The following SLC9B1 variants were observed in gnomAD, a reference collection of about 807,000 sequenced individuals.
SLC9B1 encodes sodium/hydrogen exchanger 9B1.
Under a neutral mutation model 51.7 loss-of-function variants are expected in SLC9B1, and 32 were observed. The ratio of observed to expected loss-of-function variants is 0.62; its 90% confidence interval spans 0.47 to 0.83. The LOEUF (loss-of-function observed/expected upper bound fraction) is 0.83, where lower values mean the gene tolerates loss of function less well. SLC9B1 is among the 40% of genes least tolerant of loss of function. The pLI, the probability that SLC9B1 is intolerant of heterozygous loss-of-function variation, is 0.00. For synonymous variants in SLC9B1, 145 were observed against 212.7 expected (o/e 0.68, Z 2.77); for missense variants, 406 against 613.2 (o/e 0.66, Z 3.57).
chr4:102,919,361 C>T (rs918107994), intron 7 of SLC9B1, among the ~76,000 whole-genome samples: 1 of 152,166 alleles, frequency 6.6e-6, no homozygotes, highest in South Asian at 2.1e-4. Flanking sequence ...TAAAACTGAA[C>T]ACTTTTAAGA....
chr4:102,958,904 C>T (rs910082932), intron 3 of SLC9B1, among the ~76,000 whole-genome samples: 1 of 150,010 alleles, frequency 6.7e-6, no homozygotes, highest in African/African-American at 2.5e-5. Flanking sequence ...GCCTGGGTGA[C>T]AGAACGAGAC....
chr4:102,893,300 A>AAAAAAAAAAAAAAAG (rs1314502030), intron 11 of SLC9B1, among the ~76,000 whole-genome samples: 1 of 147,764 alleles, frequency 6.8e-6, no homozygotes, highest in Non-Finnish European at 1.5e-5. Context: ...AAAAAAAAAA[A>AAAAAAAAAAAAAAAG]AAAAAGAAAA....
At chr4:102,906,123 A>C (rs1735041370) in intron 10 of SLC9B1, among the ~76,000 whole-genome samples, 1 of 151,994 alleles carries the variant, frequency 6.6e-6, no homozygotes, top group African/African-American at 2.4e-5. Flanking sequence ...TTTAGGAGAG[A>C]GGGGGTTCCC....
At chr4:103,012,665 T>C (rs1268966557) in intron 1 of SLC9B1, among the ~76,000 whole-genome samples, 2 of 152,244 alleles carry the variant, frequency 1.3e-5, no homozygotes, top group Admixed American at 6.5e-5. Flanking sequence ...TACTTGAGAC[T>C]GAGTAATCTA....
intron 5 of SLC9B1, among the ~76,000 whole-genome samples, chr4:102,946,097 A>G (rs1372741644): frequency 6.6e-6 from 1 of 152,204 alleles, no homozygotes; most frequent in African/African-American, 2.4e-5. Context: ...ATGTTAACTG[A>G]AAAGTACATA....
At chr4:102,976,766 T>C (rs147389461) in intron 3 of SLC9B1, among the ~76,000 whole-genome samples, 2 of 152,284 alleles carry the variant, frequency 1.3e-5, no homozygotes, top group Non-Finnish European at 1.5e-5. Context: ...GTGAGATATT[T>C]TGGCAGGTGA....
At chr4:102,919,332 C>A (rs1735744266) in intron 7 of SLC9B1, among the ~76,000 whole-genome samples, 1 of 152,162 alleles carries the variant, frequency 6.6e-6, no homozygotes, top group Non-Finnish European at 1.5e-5. Context: ...CAATTCCAAA[C>A]CATATTTTTG....
chr4:102,960,736 CT>C (rs1172297121), intron 3 of SLC9B1, among the ~76,000 whole-genome samples: 383 of 142,388 alleles, frequency 2.7e-3, no homozygotes, highest in African/African-American at 3.6e-3. Context: ...TTCTTTCTTT[CT>C]TTTTTTTTTT....
intron 7 of SLC9B1, among the ~76,000 whole-genome samples, chr4:102,913,027 C>T (rs1735411641): frequency 6.6e-6 from 1 of 152,080 alleles, no homozygotes; most frequent in Non-Finnish European, 1.5e-5. Flanking sequence ...TGTAGTAGCA[C>T]AGACAAGTGC....
intron 3 of SLC9B1, among the ~76,000 whole-genome samples, chr4:102,975,565 C>CATATATATATATATAT (rs749203965): frequency 1.0e-5 from 1 of 99,614 alleles, no homozygotes; most frequent in Non-Finnish European, 1.9e-5. Flanking sequence ...ATTATATATA[C>CATATATATATATATAT]ATATATATAT....
At chr4:103,008,860 C>A (rs867661238) in intron 1 of SLC9B1, among the ~76,000 whole-genome samples, 4 of 129,796 alleles carry the variant, frequency 3.1e-5, no homozygotes, top group East Asian at 2.4e-4. Flanking sequence ...AGTGCAGTGG[C>A]GCAATCTCGA....
chr4:102,994,972 G>A (rs1217194894), intron 1 of SLC9B1, among the ~76,000 whole-genome samples: 1 of 152,144 alleles, frequency 6.6e-6, no homozygotes, highest in Non-Finnish European at 1.5e-5. Flanking sequence ...CATATCAAAT[G>A]ACTACCTTGT....
chr4:103,011,300 A>G (rs1741073841), intron 1 of SLC9B1, among the ~76,000 whole-genome samples: 1 of 152,252 alleles, frequency 6.6e-6, no homozygotes, highest in African/African-American at 2.4e-5. Flanking sequence ...TGCCTTCTGC[A>G]TACAATGGGG....
intron 7 of SLC9B1, among the ~76,000 whole-genome samples, chr4:102,931,335 AG>A (rs908570873): frequency 6.6e-6 from 1 of 151,324 alleles, no homozygotes; most frequent in Non-Finnish European, 1.5e-5. Context: ...GAAAGGAAGA[AG>A]GGAAGAAGGG....
At chr4:103,018,240 T>C (rs1741502985) in intron 1 of SLC9B1, among the ~76,000 whole-genome samples, 1 of 152,196 alleles carries the variant, frequency 6.6e-6, no homozygotes, top group Non-Finnish European at 1.5e-5. Context: ...CCTATTTCCT[T>C]GTGTCTAGTA....
rs562701228 is a variant in SLC9B1 at position 102,998,849 on chromosome 4, T to G, written c.-1-7137A>C. On this transcript the variant is annotated intron_variant, in intron 1 of 11. Coordinates refer to ENST00000296422, the MANE Select transcript of SLC9B1 (RefSeq NM_139173.4). ...TTTTTTGGAGAAATGTCTCTTCAAG[T>G]CCTTTGTCCATTTTTATTCTTATTT... 2.6e-5 allele frequency among the ~76,000 whole-genome samples: 4 copies of G among 152,250 alleles called. No individual in the cohort carries two copies. In the East Asian group the frequency reaches 7.7e-4, roughly 29 times the overall value.
At chr4:103,008,034 G>A (rs1019299919) in intron 1 of SLC9B1, among the ~76,000 whole-genome samples, 1 of 152,088 alleles carries the variant, frequency 6.6e-6, no homozygotes, top group Non-Finnish European at 1.5e-5. Flanking sequence ...TTATATTCCA[G>A]TGTCTTACAT....
At chr4:102,966,001 T>TA (rs1173606318) in intron 3 of SLC9B1, among the ~76,000 whole-genome samples, 26 of 152,354 alleles carry the variant, frequency 1.7e-4, no homozygotes, top group Admixed American at 6.5e-4. Flanking sequence ...GGGGAGTTTT[T>TA]ATCCCTAAAG....
intron 1 of SLC9B1, among the ~76,000 whole-genome samples, chr4:103,010,107 C>T (rs909535555): frequency 6.6e-6 from 1 of 152,092 alleles, no homozygotes; most frequent in African/African-American, 2.4e-5. Context: ...GATCTTGTTG[C>T]CACAATAAAG....
Sources: allele counts gnomAD v4.1 joint callset (sites outside exome capture counted in the v4.1 genomes callset), GRCh38; gene constraint gnomAD v4.1.1; transcripts MANE v1.5; gene names NCBI Gene and HGNC (gene_info 2026-07-23, HGNC 2026-07-21).